CYP26B1: variants seen among roughly 807,000 people sequenced by gnomAD.
The protein encoded by CYP26B1 is cytochrome P450 family 26 subfamily B member 1.
In CYP26B1, 8 loss-of-function variants were observed where a neutral mutation model predicts 39.1. The observed-to-expected ratio is 0.20, with a 90% CI of 0.12 to 0.37. CYP26B1 has a LOEUF of 0.37. CYP26B1 is among the 10% of genes least tolerant of loss of function. CYP26B1 has a pLI of 1.00. For synonymous variants in CYP26B1, 321 were observed against 314.3 expected (o/e 1.02, Z -0.23); for missense variants, 615 against 707.0 (o/e 0.87, Z 1.48).
chr2:72,145,366 C>T (rs1314491156), intron 1 of CYP26B1, among the ~76,000 whole-genome samples: 1 of 152,226 alleles, frequency 6.6e-6, no homozygotes, highest in Non-Finnish European at 1.5e-5. Context: ...GCGCCTCCGG[C>T]CCGGCGCGCG....
At chr2:72,135,908 G>T (rs1307518753) in intron 2 of CYP26B1, among the ~76,000 whole-genome samples, 2 of 152,274 alleles carry the variant, frequency 1.3e-5, no homozygotes, top group East Asian at 3.9e-4. Context: ...GGTCTTCAGT[G>T]TGGCCAGGTC....
intron 4 of CYP26B1, 34 bp downstream of exon 4, chr2:72,134,727 G>C: frequency 6.3e-7 from 1 of 1,596,726 alleles, no homozygotes; most frequent in Non-Finnish European, 8.5e-7. Context: ...CCTGGGTGCT[G>C]GTGCTGCCCG....
At chr2:72,146,517 G>C (rs1677127959) in intron 1 of CYP26B1, among the ~76,000 whole-genome samples, 1 of 152,214 alleles carries the variant, frequency 6.6e-6, no homozygotes, top group Non-Finnish European at 1.5e-5. Context: ...CACTCGTCCC[G>C]GGGCAGGGTG....
chr2:72,142,029 G>A (rs1309242318), intron 2 of CYP26B1, among the ~76,000 whole-genome samples: 1 of 152,242 alleles, frequency 6.6e-6, no homozygotes, highest in Middle Eastern at 3.4e-3. Flanking sequence ...GTTCTGAATA[G>A]GGAGCCATCG....
chr2:72,143,371 C>T (rs1240492908), intron 2 of CYP26B1, among the ~76,000 whole-genome samples: 4 of 143,394 alleles, frequency 2.8e-5, no homozygotes, highest in African/African-American at 1.1e-4. Context: ...CTTCCTCTTT[C>T]GGGGGGGGGT....
At chr2:72,135,487 G>T in intron 2 of CYP26B1, 68 bp from the exon 3 acceptor site, 1 of 1,588,876 alleles carries the variant, frequency 6.3e-7, no homozygotes, top group Non-Finnish European at 8.5e-7. Flanking sequence ...CCCTCACTCT[G>T]CCTGAACAAT....
At position 72,130,692 on chromosome 2, in the gene CYP26B1, G is replaced by A. The variant is rs1375851528; in HGVS notation, c.*1535C>T. ...CCAAACGCCCGGAAACCTTCCCCAG[G>A]AGGCATCCCAAATTGCCAACACTCA... is the stretch of plus-strand genomic sequence containing the variant. On this transcript the variant is annotated 3_prime_UTR_variant, in exon 6 of 6. Coordinates refer to ENST00000001146, the MANE Select transcript of CYP26B1 (RefSeq NM_019885.4). 6.6e-6 allele frequency: 1 copy of A among 152,186 alleles called. No individual in the cohort carries two copies. The highest frequency in any genetic ancestry group is 2.4e-5 in the African/African-American group (1 of 41,426). 9.4% of individuals were successfully genotyped at this position (152,186 alleles called of 1,614,324 possible). A position where few individuals can be genotyped will look rare whatever the true frequency, so the allele number is the denominator to read the frequency against.
At position 72,147,332 on chromosome 2, in the gene CYP26B1, C is replaced by G. The variant is rs951410938; in HGVS notation, c.204+299G>C. Reference sequence around the variant, plus strand: ...CGCGCCTCGCTAGGCGCCCCCGGGGCGCTCCACGCCCCCTGCCAGGCCAGC... The same window carrying G: ...CGCGCCTCGCTAGGCGCCCCCGGGGGGCTCCACGCCCCCTGCCAGGCCAGC... On this transcript the variant is annotated intron_variant, in intron 1 of 5. Coordinates refer to ENST00000001146, the MANE Select transcript of CYP26B1 (RefSeq NM_019885.4). The surrounding 1 kb of genome is among the most constrained non-coding windows in gnomAD (Gnocchi z 6.1). Among the ~76,000 whole-genome samples the G allele has an allele frequency of 6.6e-6, 1 of 152,162 alleles. No individual in the cohort carries two copies. The highest frequency in any genetic ancestry group is 2.4e-5 in the African/African-American group (1 of 41,452).
rs2241057 is a variant in CYP26B1 at position 72,134,831 on chromosome 2, A to G, written c.791T>C (p.Leu264Ser). 265,486 of 1,614,020 alleles carry G rather than the reference A, an allele frequency of 0.16. 23,829 individuals carry two copies. The highest frequency in any genetic ancestry group is 0.29 in the African/African-American group (21,774 of 74,970). ...KLQCTQGKDY[L>S]DALDLLIESS... ...CTCAATGAGGAGGTCCAGGGCGTCC[A>G]AGTAGTCCTTGCCCTGTGTGCACTG... The change falls in exon 4 of 6, where the codon TTG becomes TCG. Residue 264 changes from leucine to serine, a missense_variant. Coordinates refer to ENST00000001146, the MANE Select transcript of CYP26B1 (RefSeq NM_019885.4).
At chr2:72,143,492 C>T (rs963402009) in intron 2 of CYP26B1, among the ~76,000 whole-genome samples, 1 of 151,942 alleles carries the variant, frequency 6.6e-6, no homozygotes, top group Non-Finnish European at 1.5e-5. Context: ...CCTCTCTGAC[C>T]AGGCCCCGCC....
chr2:72,132,653 G>A (rs763093987), intron 5 of CYP26B1, 34 bp from the exon 6 acceptor site: 6 of 1,568,294 alleles, frequency 3.8e-6, no homozygotes, highest in South Asian at 3.5e-5. Flanking sequence ...AGTGGGTGGT[G>A]AGAGCCAGAG....
In CYP26B1 at chr2:72,133,151, C is replaced by T. The variant is rs368459555; in HGVS notation, c.1018G>A (p.Glu340Lys). ...GILHSGGCPC[E>K]GTLRLDTLSG... Reference sequence around the variant, plus strand: ...AGCGTGTCCAGGCGCAGTGTGCCCTCGCAGGGGCAGCCGCCACTGTGCAGG... The same window carrying T: ...AGCGTGTCCAGGCGCAGTGTGCCCTTGCAGGGGCAGCCGCCACTGTGCAGG... Residue 340 changes from glutamate (E) to lysine (K), a missense_variant, in exon 5 of 6, where the codon GAG becomes AAG. Transcript: ENST00000001146. 2.5e-5 allele frequency: 41 copies of T among 1,611,882 alleles called. No individual in the cohort carries two copies. The East Asian group carries it at 4.0e-4, about 16-fold the overall frequency.
intron 2 of CYP26B1, among the ~76,000 whole-genome samples, chr2:72,140,563 C>G (rs530593346): frequency 6.6e-6 from 1 of 152,204 alleles, no homozygotes; most frequent in African/African-American, 2.4e-5. Context: ...GACTGTGTAG[C>G]CAGAGGCTGT....
chr2:72,132,964 G>C (rs1676637023), intron 5 of CYP26B1, 59 bp downstream of exon 5: 1 of 1,609,888 alleles, frequency 6.2e-7, no homozygotes, highest in East Asian at 2.2e-5. Context: ...GCCCCGCCTT[G>C]CCCCTATCCC....
intron 2 of CYP26B1, among the ~76,000 whole-genome samples, chr2:72,142,488 C>G (rs1257365819): frequency 6.6e-6 from 1 of 152,198 alleles, no homozygotes; most frequent in Non-Finnish European, 1.5e-5. Context: ...TGACCTGGTT[C>G]AAGTCTCATT....
intron 5 of CYP26B1, 107 bp downstream of exon 5, chr2:72,132,916 T>A (rs966888208): frequency 1.3e-6 from 2 of 1,546,762 alleles, no homozygotes; most frequent in African/African-American, 1.4e-5. Flanking sequence ...AAGCACTGTT[T>A]CCCCATCAGG....
At position 72,131,133 on chromosome 2, in the gene CYP26B1, G is replaced by C. The variant is rs545650648; in HGVS notation, c.*1094C>G. On this transcript the variant is annotated 3_prime_UTR_variant, in exon 6 of 6. Transcript: ENST00000001146. ...CACTGGGGTGAACAGGGGCCAAACA[G>C]GAAATCGTGGCCGCCTCCAAATCTA... The C allele has an allele frequency of 6.5e-6, 1 of 152,762 alleles. No homozygotes were observed. Among genetic ancestry groups the C allele is most frequent in the Non-Finnish European group, 1.5e-5 (1 of 68,074 alleles). The allele number at this position is 152,762 out of a possible 1,614,324, so 9.5% of individuals were successfully genotyped here. A position where few individuals can be genotyped will look rare whatever the true frequency, so the allele number is the denominator to read the frequency against.
In CYP26B1 at chr2:72,130,446, T is replaced by C. The variant is rs1013220479; in HGVS notation, c.*1781A>G. ...TCTGTGTGGTATGGGCCCGTTCCTA[T>C]AGTCTATCTTCAGGGTGGCTGTGAG... On this transcript the variant is annotated 3_prime_UTR_variant, in exon 6 of 6. Transcript: ENST00000001146. The C allele has an allele frequency of 2.0e-5, 3 of 152,196 alleles. No homozygotes were observed. Among genetic ancestry groups the C allele is most frequent in the Non-Finnish European group, 2.9e-5 (2 of 68,090 alleles). The allele number at this position is 152,196 out of a possible 1,614,324, so 9.4% of individuals were successfully genotyped here. A position where few individuals can be genotyped will look rare whatever the true frequency, so the allele number is the denominator to read the frequency against.
chr2:72,141,872 G>A (rs902828503), intron 2 of CYP26B1, among the ~76,000 whole-genome samples: 1 of 152,068 alleles, frequency 6.6e-6, no homozygotes, highest in South Asian at 2.1e-4. Context: ...TTTCTCATTC[G>A]ACCCTCCCCA....
Sources: gnomAD v4.1 joint callset for allele counts (sites outside exome capture counted in the v4.1 genomes callset) on GRCh38, gnomAD v4.1.1 for gene constraint, Gnocchi (gnomAD v3.1) non-coding constraint, MANE v1.5 for transcripts, NCBI Gene and HGNC (gene_info 2026-07-23, HGNC 2026-07-21) for gene names.